The following TTLL11 variants were observed in gnomAD, a reference collection of about 807,000 sequenced individuals.
TTLL11 encodes tubulin polyglutamylase TTLL11.
A neutral mutation model predicts 51.7 loss-of-function variants in TTLL11; 42 were observed. The ratio of observed to expected loss-of-function variants is 0.81; its 90% CI spans 0.64 to 1.05. TTLL11 has a LOEUF of 1.05. TTLL11 is among the 50% of genes least tolerant of loss of function. TTLL11 has a pLI of 0.00. For missense variants in TTLL11, 799 were observed against 940.4 expected, an observed-to-expected ratio of 0.85 and a Z score of 1.97; for synonymous variants, 381 against 383.5, an observed-to-expected ratio of 0.99 and a Z score of 0.08.
intron 1 of TTLL11, among the ~76,000 whole-genome samples, chr9:122,077,254 T>C (rs1845887439): frequency 1.3e-5 from 2 of 151,968 alleles, no homozygotes; most frequent in African/African-American, 2.4e-5. Context: ...ACAGACTATA[T>C]AAAATACCAA....
In TTLL11 at chr9:121,971,976, C is replaced by T. The variant is rs569266724; in HGVS notation, c.1481+2033G>A. Among the ~76,000 whole-genome samples, 477 of 151,930 alleles carry T rather than the reference C, an allele frequency of 3.1e-3. 3 individuals are homozygous for T. The highest frequency in any genetic ancestry group is 0.011 in the African/African-American group (464 of 41,440). On this transcript the variant is annotated intron_variant, in intron 6 of 8. Coordinates refer to ENST00000321582, the MANE Select transcript of TTLL11 (RefSeq NM_001139442.2). ...GGAGGGGAACATCACACACTGGGGC[C>T]TGTCGGTGGGTGGGGACTAGGGGAG...
At chr9:121,857,435 T>C (rs966099768) in intron 8 of TTLL11, among the ~76,000 whole-genome samples, 8 of 152,222 alleles carry the variant, frequency 5.3e-5, no homozygotes, top group African/African-American at 1.7e-4. Context: ...TGTGGGAGTT[T>C]AGACAAGTCA....
rs753429689 is a variant in TTLL11 at position 121,989,169 on chromosome 9, G to A, written c.1269+26C>T. On this transcript the variant is annotated intron_variant, in intron 4 of 8. Transcript: ENST00000321582. This position sits in a 1 kb window ranked among gnomAD's most constrained non-coding sequence, Gnocchi z 4.2. ...CTTGAGGCCGGTCAAGGCTGGAAAC[G>A]CAGGCTGGGAACTGGCAATGGTTAC... 1.1e-5 allele frequency: 17 copies of A among 1,609,434 alleles called. No homozygotes were observed. Among genetic ancestry groups the A allele is most frequent in the Middle Eastern group, 1.7e-4 (1 of 6,044 alleles).
chr9:122,060,010 C>T (rs1233430180), intron 1 of TTLL11, among the ~76,000 whole-genome samples: 1 of 152,222 alleles, frequency 6.6e-6, no homozygotes, highest in Admixed American at 6.5e-5. Context: ...TCCTGACTGG[C>T]TGGAATGCAT....
chr9:122,049,534 T>G (rs1487760214), intron 1 of TTLL11, among the ~76,000 whole-genome samples: 2 of 152,196 alleles, frequency 1.3e-5, no homozygotes, highest in African/African-American at 4.8e-5. Context: ...ACCCTCACCC[T>G]ACATGCTACC....
intron 1 of TTLL11, among the ~76,000 whole-genome samples, chr9:122,083,818 A>G (rs997851966): frequency 6.6e-6 from 1 of 152,198 alleles, no homozygotes; most frequent in Non-Finnish European, 1.5e-5. Flanking sequence ...TCGAAAAAAA[A>G]GAAAGAAGTC....
intron 6 of TTLL11, among the ~76,000 whole-genome samples, chr9:121,933,289 G>A (rs1283606869): frequency 6.6e-6 from 1 of 152,192 alleles, no homozygotes; most frequent in Non-Finnish European, 1.5e-5. Context: ...CCCGGGCTGT[G>A]ACGGTAAGAG....
At chr9:121,934,143 G>T (rs1166153679) in intron 6 of TTLL11, among the ~76,000 whole-genome samples, 1 of 152,082 alleles carries the variant, frequency 6.6e-6, no homozygotes, top group Non-Finnish European at 1.5e-5. Flanking sequence ...TGAGGCAGGA[G>T]AATTGCTTGA....
intron 8 of TTLL11, among the ~76,000 whole-genome samples, chr9:121,836,363 G>A (rs776381128): frequency 9.9e-5 from 15 of 152,118 alleles, no homozygotes; most frequent in Non-Finnish European, 2.1e-4. Flanking sequence ...ATTCTGAAGG[G>A]CATGGGTTGC....
chr9:121,994,548 A>G (rs1460967535), intron 3 of TTLL11, among the ~76,000 whole-genome samples: 1 of 152,222 alleles, frequency 6.6e-6, no homozygotes, highest in Non-Finnish European at 1.5e-5. Context: ...TACACAGCCA[A>G]TAGGTCACAA....
intron 4 of TTLL11, among the ~76,000 whole-genome samples, chr9:121,981,549 T>C (rs1383566706): frequency 6.6e-6 from 1 of 152,262 alleles, no homozygotes; most frequent in Admixed American, 6.5e-5. Context: ...TCTGAAATGA[T>C]TTCCCCATTG....
intron 3 of TTLL11, among the ~76,000 whole-genome samples, chr9:121,998,715 A>T (rs1358544652): frequency 1.3e-5 from 2 of 152,156 alleles, no homozygotes; most frequent in Non-Finnish European, 2.9e-5. Flanking sequence ...GAGCAATTGC[A>T]GTATTGATCA....
chr9:122,026,909 TAAA>T (rs57149192), intron 3 of TTLL11, among the ~76,000 whole-genome samples: 43,883 of 119,864 alleles, frequency 0.37, 7,468 homozygotes, highest in African/African-American at 0.49. Flanking sequence ...AAGTTCATTC[TAAA>T]AAAAAAAAAA....
chr9:121,915,717 T>A (rs543664893), intron 6 of TTLL11, among the ~76,000 whole-genome samples: 3 of 152,300 alleles, frequency 2.0e-5, no homozygotes, highest in South Asian at 2.1e-4. Flanking sequence ...TTGATTTTTT[T>A]AAAAGGATCC....
intron 3 of TTLL11, among the ~76,000 whole-genome samples, chr9:122,018,476 C>A (rs924210629): frequency 6.6e-6 from 1 of 152,162 alleles, no homozygotes; most frequent in African/African-American, 2.4e-5. Flanking sequence ...TCATCACATG[C>A]GATGAAATGT....
At chr9:121,956,599 T>C (rs1432360892) in intron 6 of TTLL11, among the ~76,000 whole-genome samples, 2 of 152,206 alleles carry the variant, frequency 1.3e-5, no homozygotes, top group African/African-American at 4.8e-5. Context: ...CTGGCCGCCC[T>C]GCTGAGAGCC....
chr9:121,994,791 CAG>C (rs1843207314), intron 3 of TTLL11, among the ~76,000 whole-genome samples: 1 of 152,206 alleles, frequency 6.6e-6, no homozygotes, highest in South Asian at 2.1e-4. Flanking sequence ...GATGATGCCT[CAG>C]GCTGTCACAT....
chr9:121,985,039 G>A (rs1412578131), intron 4 of TTLL11, among the ~76,000 whole-genome samples: 1 of 152,186 alleles, frequency 6.6e-6, no homozygotes, highest in Non-Finnish European at 1.5e-5. Context: ...AGCCTGAGCA[G>A]TGCCCGCAAC....
intron 1 of TTLL11, among the ~76,000 whole-genome samples, chr9:122,052,574 T>C (rs1190392874): frequency 1.3e-5 from 2 of 152,226 alleles, no homozygotes; most frequent in African/African-American, 2.4e-5. Flanking sequence ...TTCTCTTCCA[T>C]TCTTTCCTAT....
Sources: gnomAD v4.1 joint callset for allele counts (sites outside exome capture counted in the v4.1 genomes callset) on GRCh38, gnomAD v4.1.1 for gene constraint, Gnocchi (gnomAD v3.1) non-coding constraint, MANE v1.5 for transcripts, NCBI Gene and HGNC (gene_info 2026-07-23, HGNC 2026-07-21) for gene names.